LPCAT1: variants seen among roughly 807,000 people sequenced by gnomAD.
The protein encoded by LPCAT1 is 1-acylglycerol-3-phosphate O-acyltransferase.
A neutral mutation model predicts 60.9 loss-of-function variants in LPCAT1; 23 were observed. The observed-to-expected ratio is 0.38, with a 90% CI of 0.27 to 0.53. The LOEUF is 0.53. Ranked by LOEUF, LPCAT1 falls within the 20% of genes least tolerant of loss-of-function variation. The probability of loss-of-function intolerance (pLI) is 0.82; values close to 1 mark genes in which losing one functional copy is unlikely to be tolerated. For missense variants in LPCAT1, 622 were observed against 723.6 expected, an observed-to-expected ratio of 0.86 and a Z score of 1.61; for synonymous variants, 340 against 301.1, an observed-to-expected ratio of 1.13 and a Z score of -1.34.
chr5:1,463,766 T>C lies in LPCAT1; in HGVS notation c.1490A>G (p.His497Arg). 2.5e-6 allele frequency: 4 copies of C among 1,614,210 alleles called. No individual in the cohort carries two copies. Among genetic ancestry groups the C allele is most frequent in the Non-Finnish European group, 2.5e-6 (3 of 1,180,034 alleles). The change falls in exon 14 of 14, where the codon CAT becomes CGT. Residue 497 changes from histidine to arginine, a missense_variant. Transcript: ENST00000283415. ...TGAGGTCTCTGCACAGCTTTCGAAA[T>C]GTGTCTGATCCGGGTACAGGTATTC... is the stretch of plus-strand genomic sequence containing the variant. ...AEEYLYPDQTHFESCAETSPA... is the reference protein window; with the variant it reads ...AEEYLYPDQTRFESCAETSPA...
At chr5:1,503,210 G>A (rs1449544548) in intron 1 of LPCAT1, among the ~76,000 whole-genome samples, 1 of 152,152 alleles carries the variant, frequency 6.6e-6, no homozygotes, top group African/African-American at 2.4e-5. Context: ...CACCCCAGCT[G>A]GGTCCCCGCT....
chr5:1,473,924 C>A, intron 11 of LPCAT1, 33 bp downstream of exon 11: 1 of 1,592,528 alleles, frequency 6.3e-7, no homozygotes, highest in Non-Finnish European at 8.6e-7. Flanking sequence ...GGAGGTTTTG[C>A]CGACACCCCG....
chr5:1,508,983 C>T (rs554697952), intron 1 of LPCAT1, among the ~76,000 whole-genome samples: 69 of 152,400 alleles, frequency 4.5e-4, no homozygotes, highest in African/African-American at 1.6e-3. Context: ...TGTGCACTCA[C>T]GCCATCGCGG....
rs142110843 is a variant in LPCAT1 at position 1,512,420 on chromosome 5, C to T, written c.136-10817G>A. 3.7e-3 allele frequency among the ~76,000 whole-genome samples: 559 copies of T among 152,374 alleles called. 2 individuals are homozygous for T. Among genetic ancestry groups the T allele is most frequent in the Non-Finnish European group, 6.2e-3 (423 of 68,034 alleles). ...CCTCCCTCTCACTATCCCTGAAGCA[C>T]CCAGTGTCCATGCTTCCCGTAGAAT... On this transcript the variant is annotated intron_variant, in intron 1 of 13. Coordinates refer to ENST00000283415, the MANE Select transcript of LPCAT1 (RefSeq NM_024830.5).
rs369111027 is a variant in LPCAT1 at position 1,483,134 on chromosome 5, G to A, written c.726+294C>T. On this transcript the variant is annotated intron_variant, in intron 6 of 13. Transcript: ENST00000283415. This position sits in a 1 kb window ranked among gnomAD's most constrained non-coding sequence, Gnocchi z 9.2. ...GGCACACAGAGGAAAGGGCAGCTTT[G>A]TCAGGAGCTATGGAAGCAGGGCTCT... Among the ~76,000 whole-genome samples, 4 of 152,168 alleles carry A rather than the reference G, an allele frequency of 2.6e-5. No homozygotes were observed. The highest frequency in any genetic ancestry group is 9.7e-5 in the African/African-American group (4 of 41,438).
At chr5:1,504,715 A>C (rs1287236180) in intron 1 of LPCAT1, among the ~76,000 whole-genome samples, 1 of 49,424 alleles carries the variant, frequency 2.0e-5, no homozygotes, top group Non-Finnish European at 3.3e-5. Flanking sequence ...TCTCCGTCCC[A>C]AAAAAAAAAA....
Position 1,481,018 on chromosome 5 carries a change from C to A in LPCAT1, c.727-42G>T. The A allele has an allele frequency of 1.9e-6, 3 of 1,602,450 alleles. No homozygotes were observed. The highest frequency in any genetic ancestry group is 2.6e-6 in the Non-Finnish European group (3 of 1,175,030). ...AGGGTCAGTCAGCATGGGGCCTGCA[C>A]CCAGGGCCTGCACCAAGCACCTGCG... On this transcript the variant is annotated intron_variant, in intron 6 of 13. Transcript: ENST00000283415. The surrounding 1 kb of genome is among the most constrained non-coding windows in gnomAD (Gnocchi z 7.8).
intron 13 of LPCAT1, among the ~76,000 whole-genome samples, chr5:1,466,203 A>G (rs1242757173): frequency 6.6e-6 from 1 of 152,182 alleles, no homozygotes. Flanking sequence ...ATTTAAAAAT[A>G]TCAACCGCCA....
Position 1,481,663 on chromosome 5 carries a change from A to C in LPCAT1, c.727-687T>G, listed in dbSNP as rs955502638. On this transcript the variant is annotated intron_variant, in intron 6 of 13. Coordinates refer to ENST00000283415, the MANE Select transcript of LPCAT1 (RefSeq NM_024830.5). This position sits in a 1 kb window ranked among gnomAD's most constrained non-coding sequence, Gnocchi z 7.8. Reference sequence around the variant, plus strand: ...CTGATGAAACAATCTTAAAAGTGGAAAATCTAGATGACTGCACAGATCGGA... The same window carrying C: ...CTGATGAAACAATCTTAAAAGTGGACAATCTAGATGACTGCACAGATCGGA... 6.6e-6 allele frequency among the ~76,000 whole-genome samples: 1 copy of C among 152,264 alleles called. No individual in the cohort carries two copies. The highest frequency in any genetic ancestry group is 1.5e-5 in the Non-Finnish European group (1 of 68,048).
chr5:1,493,728 C>T lies in LPCAT1; in HGVS notation c.493+972G>A, dbSNP rs538082702. 2.0e-3 allele frequency among the ~76,000 whole-genome samples: 301 copies of T among 152,340 alleles called. 1 individual carries two copies. Among genetic ancestry groups the T allele is most frequent in the Non-Finnish European group, 3.5e-3 (236 of 68,026 alleles). Reference sequence around the variant, plus strand: ...CTGCGCACAGGTGGGTGAGGGGCCACGCAGGGCTCCCTACAGTCCTCCCAG... The same window carrying T: ...CTGCGCACAGGTGGGTGAGGGGCCATGCAGGGCTCCCTACAGTCCTCCCAG... On this transcript the variant is annotated intron_variant, in intron 3 of 13. Transcript: ENST00000283415.
At chr5:1,505,289 A>G (rs937715446) in intron 1 of LPCAT1, among the ~76,000 whole-genome samples, 2 of 151,802 alleles carry the variant, frequency 1.3e-5, no homozygotes, top group African/African-American at 4.8e-5. Context: ...AACAGCACCG[A>G]CTGCAACACT....
intron 7 of LPCAT1, 147 bp from the exon 8 acceptor site, chr5:1,479,822 C>A (rs1735062599): frequency 1.5e-6 from 1 of 658,382 alleles, no homozygotes; most frequent in African/African-American, 1.8e-5. Flanking sequence ...GTGCCGTGCC[C>A]ACCCAGCCCG....
At chr5:1,484,814 C>T (rs1735308217) in intron 5 of LPCAT1, among the ~76,000 whole-genome samples, 1 of 152,120 alleles carries the variant, frequency 6.6e-6, no homozygotes, top group Non-Finnish European at 1.5e-5. Flanking sequence ...TGTGCCGCAG[C>T]TTCCCCTGTG....
At chr5:1,518,061 G>A (rs538108250) in intron 1 of LPCAT1, among the ~76,000 whole-genome samples, 21 of 152,356 alleles carry the variant, frequency 1.4e-4, no homozygotes, top group South Asian at 8.3e-4. Flanking sequence ...CAGGGCTGAC[G>A]GACGCCTCAG....
At position 1,463,722 on chromosome 5, in the gene LPCAT1, C is replaced by T; in HGVS notation, c.1534G>A (p.Gly512Ser). The change falls in exon 14 of 14, where the codon GGC becomes AGC. Residue 512 changes from glycine to serine, a missense_variant. By Grantham distance (56) the Gly-to-Ser change is moderately conservative. Around this residue, in one of 3 missense-constraint regions of LPCAT1, gnomAD observed 288 missense variants for 283.6 expected, o/e 1.02. Coordinates refer to ENST00000283415, the MANE Select transcript of LPCAT1 (RefSeq NM_024830.5). ...AETSPAPIPN[G>S]FCADFSPENS... ...TCCGGGCTGAAATCGGCACAGAAGC[C>T]GTTTGGGATTGGCGCAGGTGAGGTC... 6.2e-7 allele frequency: 1 copy of T among 1,614,234 alleles called. No individual in the cohort carries two copies.
At chr5:1,511,687 G>C (rs1336210961) in intron 1 of LPCAT1, among the ~76,000 whole-genome samples, 5 of 152,214 alleles carry the variant, frequency 3.3e-5, no homozygotes. Context: ...CTTGAACACA[G>C]AGCTGCTTCC....
chr5:1,510,226 C>G (rs113281463), intron 1 of LPCAT1, among the ~76,000 whole-genome samples: 2,683 of 152,306 alleles, frequency 0.018, 74 homozygotes, highest in African/African-American at 0.062. Context: ...CCCTCTCCCC[C>G]ACAGCCCGTG....
intron 5 of LPCAT1, among the ~76,000 whole-genome samples, chr5:1,485,139 C>T (rs979052765): frequency 2.6e-5 from 4 of 152,162 alleles, no homozygotes; most frequent in Non-Finnish European, 4.4e-5. Context: ...CCGACCATCC[C>T]GACCATGTGT....
chr5:1,473,555 G>A (rs1255229568), intron 11 of LPCAT1, among the ~76,000 whole-genome samples: 1 of 152,244 alleles, frequency 6.6e-6, no homozygotes, highest in East Asian at 1.9e-4. Flanking sequence ...CCCACAGGCT[G>A]GCGGGGAGCC....
Sources: gnomAD v4.1 joint callset for allele counts (sites outside exome capture counted in the v4.1 genomes callset) on GRCh38, gnomAD v4.1.1 for gene constraint, gnomAD v4.1.1 regional missense constraint, Gnocchi (gnomAD v3.1) non-coding constraint, MANE v1.5 for transcripts, NCBI Gene and HGNC (gene_info 2026-07-23, HGNC 2026-07-21) for gene names.